The following SPRED1 variants were observed in gnomAD, a reference collection of about 807,000 sequenced individuals.
SPRED1 encodes the protein sprouty-related, EVH1 domain-containing protein 1.
In SPRED1, 18 loss-of-function variants were observed where a neutral mutation model predicts 52.3. The observed-to-expected ratio is 0.34, with a 90% confidence interval of 0.24 to 0.51. The LOEUF (loss-of-function observed/expected upper bound fraction) is 0.51. SPRED1 is among the 20% of genes least tolerant of loss of function. The pLI is 0.97. For synonymous variants in SPRED1, 155 were observed against 179.7 expected, an observed-to-expected ratio of 0.86 and a Z score of 1.10; for missense variants, 485 against 551.0, an observed-to-expected ratio of 0.88 and a Z score of 1.20.
intron 4 of SPRED1, among the ~76,000 whole-genome samples, chr15:38,336,089 CTT>C (rs944803848): frequency 4.0e-5 from 6 of 151,676 alleles, no homozygotes; most frequent in Admixed American, 2.6e-4. Context: ...TATGTACTGA[CTT>C]TTTAACACTA....
chr15:38,350,882 C>A, intron 6 of SPRED1, 132 bp from the exon 7 acceptor site: 1 of 947,986 alleles, frequency 1.1e-6, no homozygotes, highest in Non-Finnish European at 1.6e-6. Flanking sequence ...ATGTTGATCT[C>A]ATCCCAAAAA....
At chr15:38,323,295 T>G (rs935256979) in intron 3 of SPRED1, among the ~76,000 whole-genome samples, 7 of 152,174 alleles carry the variant, frequency 4.6e-5, no homozygotes, top group African/African-American at 1.4e-4. Flanking sequence ...TTAGCTACTT[T>G]AAAAGATTAG....
chr15:38,301,722 A>G (rs16966681), intron 2 of SPRED1, among the ~76,000 whole-genome samples: 7,582 of 152,278 alleles, frequency 0.05, 325 homozygotes, highest in African/African-American at 0.11. Context: ...TACTTCTGAA[A>G]AGTCCAGCAG....
At chr15:38,282,427 A>C (rs1481001135) in intron 1 of SPRED1, among the ~76,000 whole-genome samples, 1 of 151,704 alleles carries the variant, frequency 6.6e-6, no homozygotes, top group African/African-American at 2.4e-5. Flanking sequence ...GAATTGCTTG[A>C]GCCGGGGAGG....
At chr15:38,304,236 C>CT (rs1019156593) in intron 2 of SPRED1, among the ~76,000 whole-genome samples, 1 of 152,162 alleles carries the variant, frequency 6.6e-6, no homozygotes, top group Admixed American at 6.5e-5. Context: ...TTGGGTTGAA[C>CT]TTTATCGAAG....
At chr15:38,330,051 G>C (rs992070628) in intron 4 of SPRED1, among the ~76,000 whole-genome samples, 1 of 152,152 alleles carries the variant, frequency 6.6e-6, no homozygotes, top group African/African-American at 2.4e-5. Flanking sequence ...ATCATTTAAA[G>C]GGTTGAAGAT....
At chr15:38,316,856 A>C (rs565389425) in intron 2 of SPRED1, among the ~76,000 whole-genome samples, 3 of 149,076 alleles carry the variant, frequency 2.0e-5, no homozygotes, top group Non-Finnish European at 4.4e-5. Flanking sequence ...TAAAACATTA[A>C]TTTGTTCTTT....
intron 1 of SPRED1, among the ~76,000 whole-genome samples, chr15:38,288,087 A>G (rs753394781): frequency 6.6e-6 from 1 of 152,144 alleles, no homozygotes; most frequent in Non-Finnish European, 1.5e-5. Context: ...GATTGTAACA[A>G]TATACCTGTT....
rs1246796873 is a variant in SPRED1 at position 38,340,026 on chromosome 15, CA to C, written c.582+135del. 8 of 1,156,260 alleles carry C rather than the reference CA, an allele frequency of 6.9e-6. No homozygotes were observed. The African/African-American group carries it at 7.7e-5, about 11-fold the overall frequency. The allele number at this position is 1,156,260 out of a possible 1,614,324, so 71.6% of individuals were successfully genotyped here. On this transcript the variant is annotated intron_variant, in intron 5 of 6. Transcript: ENST00000299084. ...AACAAACAAACAAAAACCCCACAAA[CA>C]AAACCAGGAGAATTTGATTTATAAT...
rs548903526 is a variant in SPRED1, at chr15:38,293,349, C to T, written c.33-6024C>T. On this transcript the variant is annotated intron_variant, in intron 1 of 6. Transcript: ENST00000299084. ...TCTTGACCTCGTGATCCACCTGCCTCGGCCTCCCAAAGTGCTGGGATTGCA... is the reference window on the plus strand; with the variant it reads ...TCTTGACCTCGTGATCCACCTGCCTTGGCCTCCCAAAGTGCTGGGATTGCA... 1.5e-3 allele frequency among the ~76,000 whole-genome samples: 230 copies of T among 152,184 alleles called. 1 individual carries two copies. Among genetic ancestry groups the T allele is most frequent in the African/African-American group, 5.3e-3 (218 of 41,506 alleles).
rs138599844 is a variant in SPRED1 at position 38,345,515 on chromosome 15, G to A, written c.583-3907G>A. On this transcript the variant is annotated intron_variant, in intron 5 of 6. Transcript: ENST00000299084. The stretch of plus-strand genomic sequence containing the variant: ...ATAAAGATTAAGCTAGCAAGTTAAC[G>A]TACTAGTTTTGTGAATCCTGCTGAA... 4.4e-3 allele frequency among the ~76,000 whole-genome samples: 666 copies of A among 152,282 alleles called. 3 individuals carry two copies. The highest frequency in any genetic ancestry group is 0.015 in the African/African-American group (629 of 41,558).
intron 1 of SPRED1, among the ~76,000 whole-genome samples, chr15:38,259,982 C>T (rs775119864): frequency 6.6e-6 from 1 of 152,060 alleles, no homozygotes; most frequent in African/African-American, 2.4e-5. Context: ...AGAGTGTTTG[C>T]GGGCTTGAAG....
intron 5 of SPRED1, among the ~76,000 whole-genome samples, chr15:38,340,831 C>T (rs1896013727): frequency 1.3e-5 from 2 of 152,042 alleles, no homozygotes; most frequent in East Asian, 1.9e-4. Context: ...CACCTGGCCC[C>T]TTTCTTACAA....
chr15:38,264,617 CAGG>C (rs545610220), intron 1 of SPRED1, among the ~76,000 whole-genome samples: 108 of 152,104 alleles, frequency 7.1e-4, no homozygotes, highest in Middle Eastern at 3.4e-3. Context: ...AGGGTGGTAT[CAGG>C]AGTTGAGGTG....
At chr15:38,337,855 T>C (rs1004848543) in intron 4 of SPRED1, among the ~76,000 whole-genome samples, 1 of 151,776 alleles carries the variant, frequency 6.6e-6, no homozygotes, top group African/African-American at 2.4e-5. Flanking sequence ...AACTTATGAT[T>C]GTTTATAGTT....
chr15:38,304,471 G>C (rs1895210737), intron 2 of SPRED1, among the ~76,000 whole-genome samples: 1 of 152,194 alleles, frequency 6.6e-6, no homozygotes, highest in South Asian at 2.1e-4. Flanking sequence ...AGTAGAGATA[G>C]TGGAGTATTG....
At chr15:38,255,696 G>A (rs2140945229) in intron 1 of SPRED1, among the ~76,000 whole-genome samples, 1 of 152,254 alleles carries the variant, frequency 6.6e-6, no homozygotes, top group Admixed American at 6.5e-5. Flanking sequence ...TAGTCATTAT[G>A]AAGAAAGATA....
intron 1 of SPRED1, among the ~76,000 whole-genome samples, chr15:38,260,386 T>C (rs925712170): frequency 6.6e-5 from 10 of 152,210 alleles, no homozygotes; most frequent in African/African-American, 2.4e-4. Context: ...GTCATTGGAT[T>C]AGGAGCCTAC....
Position 38,351,008 on chromosome 15 carries a change from T to C in SPRED1, c.685-6T>C. On this transcript the variant is annotated splice_polypyrimidine_tract_variant and splice_region_variant and intron_variant, in intron 6 of 6. Transcript: ENST00000299084. ...TCATTGCAGTTTTTATCTGTTTCTT[T>C]TTTAGGTCCCTTTGAAATCAATCAG... 6.2e-7 allele frequency: 1 copy of C among 1,611,554 alleles called. No individual in the cohort carries two copies. The highest frequency in any genetic ancestry group is 8.5e-7 in the Non-Finnish European group (1 of 1,179,272).
Sources: gnomAD v4.1 joint callset for allele counts (sites outside exome capture counted in the v4.1 genomes callset) on GRCh38, gnomAD v4.1.1 for gene constraint, MANE v1.5 for transcripts, NCBI Gene and HGNC (gene_info 2026-07-23, HGNC 2026-07-21) for gene names.